The following SORCS3 variants were observed in gnomAD, a reference collection of about 807,000 sequenced individuals.
SORCS3 encodes VPS10 domain-containing receptor SorCS3.
Under a neutral mutation model 146.3 loss-of-function variants are expected in SORCS3, and 57 were observed. The observed-to-expected ratio is 0.39, with a 90% CI of 0.31 to 0.49. The LOEUF is 0.49. SORCS3 is among the 20% of genes least tolerant of loss of function. The pLI is 0.92. For missense variants in SORCS3, 1,341 were observed against 1,575.5 expected (o/e 0.85, Z 2.52); for synonymous variants, 653 against 618.5 (o/e 1.06, Z -0.83).
At chr10:105,262,281 G>A (rs755468095) in intron 25 of SORCS3, 50 bp from the exon 26 acceptor site, 14 of 1,573,076 alleles carry the variant, frequency 8.9e-6, no homozygotes, top group Non-Finnish European at 1.2e-5. Context: ...AGCTGCCCAA[G>A]TTTGGCACAC....
intron 2 of SORCS3, among the ~76,000 whole-genome samples, chr10:104,913,786 T>TC (rs2018995108): frequency 6.7e-6 from 1 of 149,300 alleles, no homozygotes; most frequent in Non-Finnish European, 1.5e-5. Flanking sequence ...TTTTTTTTTT[T>TC]TTCCGAGACG....
At chr10:105,005,497 A>G (rs1274556529) in intron 4 of SORCS3, among the ~76,000 whole-genome samples, 2 of 152,026 alleles carry the variant, frequency 1.3e-5, no homozygotes, top group Non-Finnish European at 2.9e-5. Context: ...TGAGACTTGG[A>G]GGATGAGTAG....
rs749301192 is a variant in SORCS3, at chr10:105,262,470, G to C, written c.3583G>C (p.Glu1195Gln). The change falls in exon 26 of 27, where the codon GAG becomes CAG. Residue 1195 changes from glutamate (E) to glutamine (Q), a missense_variant. By Grantham distance (29) the Glu-to-Gln change is conservative. Transcript: ENST00000369701. Reference protein sequence around the residue: ...FTEPEELLDKELDTRVIGGIA... With the variant: ...FTEPEELLDKQLDTRVIGGIA... ...GGAGCCTGAGGAGCTGCTGGACAAA[G>C]AGCTGGACACGCGGGTCATAGGTAC... The C allele has an allele frequency of 2.5e-6, 4 of 1,613,912 alleles. No homozygotes were observed. In the South Asian group the frequency reaches 4.4e-5, roughly 18 times the overall value.
intron 5 of SORCS3, among the ~76,000 whole-genome samples, chr10:105,077,521 A>AACAC (rs60182481): frequency 0.012 from 1,355 of 116,628 alleles, 10 homozygotes; most frequent in East Asian, 0.043. Flanking sequence ...GACTAAATTA[A>AACAC]ACACACACAC....
chr10:105,057,306 G>A (rs1027006867), intron 5 of SORCS3, among the ~76,000 whole-genome samples: 2 of 152,002 alleles, frequency 1.3e-5, no homozygotes, highest in African/African-American at 2.4e-5. Context: ...AATGACAGAA[G>A]ACCATTCATT....
chr10:104,975,657 A>G (rs2054891991), intron 3 of SORCS3, among the ~76,000 whole-genome samples: 1 of 152,216 alleles, frequency 6.6e-6, no homozygotes, highest in Non-Finnish European at 1.5e-5. Flanking sequence ...CTGACTTCAA[A>G]CTATACTACA....
chr10:105,201,087 T>C, intron 15 of SORCS3, 33 bp from the exon 16 acceptor site: 2 of 1,599,992 alleles, frequency 1.3e-6, no homozygotes, highest in Non-Finnish European at 1.7e-6. Context: ...TTTTTGTTTT[T>C]CTGTCTCTCA....
intron 2 of SORCS3, among the ~76,000 whole-genome samples, chr10:104,906,213 C>T (rs945906666): frequency 6.6e-6 from 1 of 152,168 alleles, no homozygotes; most frequent in Admixed American, 6.5e-5. Flanking sequence ...GTGTAGGCCT[C>T]ATTATTTTTT....
At chr10:105,006,288 T>G (rs898442092) in intron 4 of SORCS3, among the ~76,000 whole-genome samples, 2 of 152,178 alleles carry the variant, frequency 1.3e-5, no homozygotes, top group African/African-American at 4.8e-5. Flanking sequence ...CTTGGCTCTT[T>G]TCTTCATTTC....
At chr10:105,120,409 C>T (rs73350026) in intron 7 of SORCS3, among the ~76,000 whole-genome samples, 6 of 152,262 alleles carry the variant, frequency 3.9e-5, no homozygotes, top group African/African-American at 1.4e-4. Context: ...GTAAGTCCAT[C>T]CCATCCCCTT....
intron 3 of SORCS3, among the ~76,000 whole-genome samples, chr10:104,950,286 A>G (rs1355081483): frequency 6.6e-6 from 1 of 152,140 alleles, no homozygotes; most frequent in Admixed American, 6.5e-5. Context: ...AAAAATAGCT[A>G]ATTTTAGGTC....
At chr10:104,962,313 G>A (rs745335418) in intron 3 of SORCS3, among the ~76,000 whole-genome samples, 1 of 152,144 alleles carries the variant, frequency 6.6e-6, no homozygotes, top group Non-Finnish European at 1.5e-5. Flanking sequence ...ATGTTGAAGA[G>A]GTCAAGCCTG....
chr10:104,703,420 T>C (rs368796812), intron 1 of SORCS3, among the ~76,000 whole-genome samples: 6 of 152,222 alleles, frequency 3.9e-5, no homozygotes, highest in Admixed American at 2.6e-4. Context: ...TTCTGACTGG[T>C]GTGAGATGGT....
At chr10:104,978,416 G>C (rs780074288) in intron 4 of SORCS3, among the ~76,000 whole-genome samples, 1 of 152,118 alleles carries the variant, frequency 6.6e-6, no homozygotes, top group Non-Finnish European at 1.5e-5. Flanking sequence ...TGCATACATA[G>C]CATTGTCTGT....
In SORCS3 at chr10:104,893,082, T is replaced by C. The variant is rs1436335944; in HGVS notation, c.696-22751T>C. The stretch of plus-strand genomic sequence containing the variant: ...TGTCATGGTCCCTGTTTGTTTCCAT[T>C]GTGCGTCATAGTTTCAGGTTTTGAA... On this transcript the variant is annotated intron_variant, in intron 2 of 26. Coordinates refer to ENST00000369701, the MANE Select transcript of SORCS3 (RefSeq NM_014978.3). 3.9e-5 allele frequency among the ~76,000 whole-genome samples: 6 copies of C among 152,314 alleles called. No homozygotes were observed. In the South Asian group the frequency reaches 6.2e-4, roughly 16 times the overall value.
intron 1 of SORCS3, among the ~76,000 whole-genome samples, chr10:104,725,465 C>T (rs1162716702): frequency 6.6e-6 from 1 of 152,192 alleles, no homozygotes; most frequent in African/African-American, 2.4e-5. Flanking sequence ...CTCAGATCTC[C>T]AGCTGCATGC....
intron 6 of SORCS3, among the ~76,000 whole-genome samples, chr10:105,092,055 C>T (rs2055714280): frequency 6.6e-6 from 1 of 152,160 alleles, no homozygotes; most frequent in Non-Finnish European, 1.5e-5. Context: ...TGAGCTCAGG[C>T]TTAAGACACA....
chr10:105,257,441 A>T (rs1391150249), intron 25 of SORCS3, among the ~76,000 whole-genome samples: 1 of 152,190 alleles, frequency 6.6e-6, no homozygotes, highest in Non-Finnish European at 1.5e-5. Flanking sequence ...CCTATTCTAA[A>T]GAGAAATTGA....
At chr10:105,167,197 T>C in intron 12 of SORCS3, 61 bp from the exon 13 acceptor site, 1 of 1,319,052 alleles carries the variant, frequency 7.6e-7, no homozygotes, top group Non-Finnish European at 1.1e-6. Context: ...CTGTAAACTG[T>C]TAAGCACTAT....
Sources: allele counts gnomAD v4.1 joint callset (sites outside exome capture counted in the v4.1 genomes callset), GRCh38; gene constraint gnomAD v4.1.1; transcripts MANE v1.5; gene names NCBI Gene and HGNC (gene_info 2026-07-23, HGNC 2026-07-21).